The following RUNDC3B variants were observed in gnomAD, a reference collection of about 807,000 sequenced individuals.
The protein encoded by RUNDC3B is RUN domain-containing protein 3B.
In RUNDC3B, 33 loss-of-function variants were observed where a neutral mutation model predicts 58.4. The ratio of observed to expected loss-of-function variants is 0.56; its 90% CI spans 0.43 to 0.75. RUNDC3B has a LOEUF of 0.75. Among genes scored for constraint, RUNDC3B ranks in the 30% least tolerant of loss-of-function variants. The pLI is 0.00. For synonymous variants in RUNDC3B, 193 were observed against 195.2 expected, an observed-to-expected ratio of 0.99 and a Z score of 0.10; for missense variants, 501 against 535.7, an observed-to-expected ratio of 0.94 and a Z score of 0.64.
At chr7:87,792,734 A>G (rs1047206460) in intron 8 of RUNDC3B, among the ~76,000 whole-genome samples, 1 of 152,084 alleles carries the variant, frequency 6.6e-6, no homozygotes, top group Non-Finnish European at 1.5e-5. Flanking sequence ...CTTCATACCT[A>G]TAAGTTCCTA....
chr7:87,748,920 G>A (rs975141066), intron 6 of RUNDC3B, among the ~76,000 whole-genome samples: 2 of 152,170 alleles, frequency 1.3e-5, no homozygotes, highest in Non-Finnish European at 2.9e-5. Flanking sequence ...AAGAAATGCA[G>A]CAGGATGATG....
At chr7:87,735,525 C>T (rs1831874700) in intron 4 of RUNDC3B, among the ~76,000 whole-genome samples, 1 of 152,222 alleles carries the variant, frequency 6.6e-6, no homozygotes, top group Admixed American at 6.5e-5. Context: ...ATCCTGGTTT[C>T]CCTACTCTAG....
At chr7:87,755,572 G>T (rs547215928) in intron 6 of RUNDC3B, among the ~76,000 whole-genome samples, 2 of 151,858 alleles carry the variant, frequency 1.3e-5, no homozygotes, top group African/African-American at 4.8e-5. Context: ...TTCAACATAC[G>T]TAATCAATAA....
chr7:87,727,914 A>C (rs1436696181), intron 4 of RUNDC3B, among the ~76,000 whole-genome samples: 1 of 152,154 alleles, frequency 6.6e-6, no homozygotes, highest in Non-Finnish European at 1.5e-5. Context: ...TCTTATTATA[A>C]TGATTCATTA....
chr7:87,725,532 A>G (rs1831173986), intron 4 of RUNDC3B, among the ~76,000 whole-genome samples: 2 of 152,174 alleles, frequency 1.3e-5, no homozygotes, highest in South Asian at 2.1e-4. Context: ...GCTATTGTGA[A>G]TAGTGCCACA....
Position 87,629,647 on chromosome 7 carries a change from G to C in RUNDC3B, c.122+702G>C, listed in dbSNP as rs182204240. Among the ~76,000 whole-genome samples the C allele has an allele frequency of 2.0e-5, 3 of 152,276 alleles. No individual in the cohort carries two copies. The South Asian group carries it at 6.2e-4, about 32-fold the overall frequency. On this transcript the variant is annotated intron_variant, in intron 1 of 10. Coordinates refer to ENST00000394654, the MANE Select transcript of RUNDC3B (RefSeq NM_001134405.2). ...ACAATAAAAGAATAATTACTATTGG[G>C]CCGGGCGCGGTGGCTTACACCTGTA...
chr7:87,828,156 G>A (rs1405857694), intron 10 of RUNDC3B, among the ~76,000 whole-genome samples: 2 of 151,792 alleles, frequency 1.3e-5, no homozygotes, highest in African/African-American at 4.9e-5. Flanking sequence ...GGAAATATAA[G>A]CTGAAATTAA....
intron 6 of RUNDC3B, among the ~76,000 whole-genome samples, chr7:87,743,209 C>T (rs1023353550): frequency 6.6e-6 from 1 of 152,012 alleles, no homozygotes; most frequent in Non-Finnish European, 1.5e-5. Flanking sequence ...TTTCTTTATC[C>T]ACTTGATTGA....
Position 87,680,012 on chromosome 7 carries a change from G to A in RUNDC3B, c.239-20409G>A, listed in dbSNP as rs1226803629. Among the ~76,000 whole-genome samples the A allele has an allele frequency of 2.0e-5, 3 of 150,446 alleles. 1 individual carries two copies. Among genetic ancestry groups the A allele is most frequent in the African/African-American group, 7.4e-5 (3 of 40,470 alleles). ...ACCTACATTAGGTATTTCTCCTAAT[G>A]TTATCCCTACCCTAGCCACCCACCC... On this transcript the variant is annotated intron_variant, in intron 2 of 10. Transcript: ENST00000394654.
chr7:87,739,865 A>G lies in RUNDC3B; in HGVS notation c.533A>G (p.Asn178Ser), dbSNP rs1832210781. Residue 178 changes from asparagine (N) to serine (S), a missense_variant, in exon 5 of 11, where the codon AAT (asparagine) becomes AGT (serine). Transcript: ENST00000394654. ...CTTGCTGGCATGCTTCTAGGACTCA[A>G]TGCTATTGATTTCAGGTACTTAACC... is the stretch of plus-strand genomic sequence containing the variant. ...NMLAGMLLGL[N>S]AIDFSFCLKG... 1.3e-6 allele frequency: 2 copies of G among 1,558,386 alleles called. No individual in the cohort carries two copies. Among genetic ancestry groups the G allele is most frequent in the South Asian group, 1.2e-5 (1 of 84,850 alleles).
chr7:87,794,695 A>G (rs1291950780), intron 8 of RUNDC3B, among the ~76,000 whole-genome samples: 2 of 152,086 alleles, frequency 1.3e-5, no homozygotes, highest in East Asian at 3.8e-4. Flanking sequence ...TATCTTGAAC[A>G]AAAAGAACAC....
chr7:87,640,175 T>C (rs1457570580), intron 1 of RUNDC3B, among the ~76,000 whole-genome samples: 1 of 148,970 alleles, frequency 6.7e-6, no homozygotes, highest in Non-Finnish European at 1.5e-5. Context: ...TCCTAAAACA[T>C]ACTTATATAT....
At chr7:87,713,392 C>T (rs1830265556) in intron 4 of RUNDC3B, 1 of 151,998 alleles carries the variant, frequency 6.6e-6, no homozygotes, top group Admixed American at 6.6e-5. Flanking sequence ...TCAGTGAAAA[C>T]CCAAGGATAA....
At chr7:87,729,986 G>A (rs113235472) in intron 4 of RUNDC3B, among the ~76,000 whole-genome samples, 26 of 152,278 alleles carry the variant, frequency 1.7e-4, no homozygotes, top group African/African-American at 6.3e-4. Flanking sequence ...GGCCAGAAGG[G>A]TACCCATTGC....
At chr7:87,775,073 C>CA (rs543054831) in intron 7 of RUNDC3B, among the ~76,000 whole-genome samples, 2 of 152,038 alleles carry the variant, frequency 1.3e-5, no homozygotes, top group African/African-American at 4.8e-5. Context: ...ACTTAAAAAA[C>CA]AAAAAAGTTA....
intron 1 of RUNDC3B, among the ~76,000 whole-genome samples, chr7:87,642,711 T>C (rs1362851966): frequency 6.6e-6 from 1 of 152,102 alleles, no homozygotes; most frequent in East Asian, 1.9e-4. Context: ...AAACTGTCTT[T>C]TTTATTTTAA....
chr7:87,776,239 G>A (rs1371977809), intron 7 of RUNDC3B, among the ~76,000 whole-genome samples: 1 of 151,966 alleles, frequency 6.6e-6, no homozygotes, highest in Non-Finnish European at 1.5e-5. Flanking sequence ...GTGCATACCA[G>A]GAGACATAAC....
At chr7:87,738,005 G>C (rs17149884) in intron 4 of RUNDC3B, among the ~76,000 whole-genome samples, 7,730 of 152,092 alleles carry the variant, frequency 0.051, 573 homozygotes, top group African/African-American at 0.17. Context: ...CCATTAGAAA[G>C]CAAGCAAGAA....
chr7:87,650,692 G>C (rs1220395348), intron 1 of RUNDC3B, 130 bp from the exon 2 acceptor site: 1 of 629,800 alleles, frequency 1.6e-6, no homozygotes, highest in African/African-American at 1.9e-5. Flanking sequence ...GAATAAATGG[G>C]GTTTTTCAGA....
Sources: gnomAD v4.1 joint callset for allele counts (sites outside exome capture counted in the v4.1 genomes callset) on GRCh38, gnomAD v4.1.1 for gene constraint, MANE v1.5 for transcripts, NCBI Gene and HGNC (gene_info 2026-07-23, HGNC 2026-07-21) for gene names.